KMT5B: variants seen among roughly 807,000 people sequenced by gnomAD.
KMT5B encodes the protein lysine methyltransferase 5B.
Under a neutral mutation model 83.2 loss-of-function variants are expected in KMT5B, and 10 were observed. The ratio of observed to expected loss-of-function variants is 0.12; its 90% CI spans 0.07 to 0.20. KMT5B has a LOEUF of 0.20. Ranked by LOEUF, KMT5B falls within the 10% of genes least tolerant of loss-of-function variation. The pLI, the probability that KMT5B is intolerant of heterozygous loss-of-function variation, is 1.00. For synonymous variants in KMT5B, 349 were observed against 388.8 expected, an observed-to-expected ratio of 0.90 and a Z score of 1.20; for missense variants, 753 against 1,067.2, an observed-to-expected ratio of 0.71 and a Z score of 4.10.
intron 1 of KMT5B, among the ~76,000 whole-genome samples, chr11:68,197,212 A>G (rs1180190745): frequency 6.6e-6 from 1 of 152,102 alleles, no homozygotes; most frequent in Non-Finnish European, 1.5e-5. Context: ...TGACCTCATG[A>G]TCTGCCTGTC....
At chr11:68,168,036 C>A (rs1415560550) in intron 9 of KMT5B, among the ~76,000 whole-genome samples, 1 of 151,992 alleles carries the variant, frequency 6.6e-6, no homozygotes, top group Non-Finnish European at 1.5e-5. Context: ...ATTAGCCCGG[C>A]GTGATGGCAG....
At chr11:68,194,495 G>C (rs1168974240) in intron 1 of KMT5B, among the ~76,000 whole-genome samples, 2 of 152,064 alleles carry the variant, frequency 1.3e-5, no homozygotes, top group East Asian at 3.8e-4. Context: ...GCCCGGCCAA[G>C]TGTTCAAAAA....
At chr11:68,159,545 T>C (rs1311775943) in intron 10 of KMT5B, among the ~76,000 whole-genome samples, 2 of 152,250 alleles carry the variant, frequency 1.3e-5, no homozygotes, top group Non-Finnish European at 2.9e-5. Context: ...CATGGTTTTT[T>C]CCTTTCACAG....
intron 1 of KMT5B, among the ~76,000 whole-genome samples, chr11:68,202,524 C>T (rs1859573256): frequency 6.7e-6 from 1 of 149,496 alleles, no homozygotes; most frequent in Middle Eastern, 3.3e-3. Flanking sequence ...TAACACCTGC[C>T]TTCCCTACTA....
intron 10 of KMT5B, among the ~76,000 whole-genome samples, chr11:68,163,713 T>C (rs1193837395): frequency 6.6e-6 from 1 of 152,218 alleles, no homozygotes; most frequent in Non-Finnish European, 1.5e-5. Context: ...GGAGTTTACT[T>C]GGCACAAGCA....
At chr11:68,164,267 C>T (rs1855116461) in intron 10 of KMT5B, among the ~76,000 whole-genome samples, 1 of 152,190 alleles carries the variant, frequency 6.6e-6, no homozygotes, top group African/African-American at 2.4e-5. Context: ...TTTTTTTATA[C>T]ATGTGTTCAA....
chr11:68,199,614 A>T, intron 1 of KMT5B, among the ~76,000 whole-genome samples: 1 of 152,210 alleles, frequency 6.6e-6, no homozygotes, highest in East Asian at 1.9e-4. Context: ...CCACAGTTTT[A>T]AAGGACCATG....
chr11:68,202,897 A>G (rs767907527), intron 1 of KMT5B, among the ~76,000 whole-genome samples: 2 of 152,042 alleles, frequency 1.3e-5, no homozygotes, highest in Non-Finnish European at 2.9e-5. Flanking sequence ...GGGTGTACAA[A>G]ATACCTGTTT....
intron 10 of KMT5B, chr11:68,166,378 T>C: frequency 9.8e-7 from 1 of 1,022,242 alleles, no homozygotes; most frequent in Non-Finnish European, 1.2e-6. Flanking sequence ...TGCTTCTTTC[T>C]CCTTTCCATC....
intron 3 of KMT5B, among the ~76,000 whole-genome samples, chr11:68,180,691 C>A (rs568824135): frequency 1.4e-4 from 22 of 152,318 alleles, no homozygotes; most frequent in Admixed American, 1.2e-3. Context: ...CAGCTCACTG[C>A]TGGCCTGAGT....
At chr11:68,207,746 G>A (rs1359421134) in intron 1 of KMT5B, among the ~76,000 whole-genome samples, 4 of 148,314 alleles carry the variant, frequency 2.7e-5, no homozygotes, top group African/African-American at 1.0e-4. Flanking sequence ...AACCAAGATC[G>A]TGCCACTGCA....
At chr11:68,211,101 G>A in intron 1 of KMT5B, among the ~76,000 whole-genome samples, 1 of 152,088 alleles carries the variant, frequency 6.6e-6, no homozygotes, top group Non-Finnish European at 1.5e-5. Context: ...TCAGGTAAAG[G>A]AAAATCAGAT....
intron 2 of KMT5B, among the ~76,000 whole-genome samples, chr11:68,188,088 A>C (rs575135654): frequency 6.7e-6 from 1 of 148,728 alleles, no homozygotes; most frequent in Non-Finnish European, 1.5e-5. Context: ...GCAGTGACGC[A>C]ATCTCGGCTC....
chr11:68,154,869 T>C lies in KMT5B; in HGVS notation c.*2819A>G, dbSNP rs1859188863. On this transcript the variant is annotated 3_prime_UTR_variant, in exon 11 of 11. Transcript: ENST00000304363. The stretch of plus-strand genomic sequence containing the variant: ...ACAGTGAACACCGGCCAAATTGTTT[T>C]AATTTCCGAATTTATTAAAATGATT... 6.6e-6 allele frequency: 1 copy of C among 152,196 alleles called. No individual in the cohort carries two copies. Among genetic ancestry groups the C allele is most frequent in the African/African-American group, 2.4e-5 (1 of 41,432 alleles). 9.4% of individuals were successfully genotyped at this position (152,196 alleles called of 1,614,324 possible).
intron 1 of KMT5B, among the ~76,000 whole-genome samples, chr11:68,191,792 C>T (rs1008993324): frequency 6.6e-6 from 1 of 152,112 alleles, no homozygotes; most frequent in African/African-American, 2.4e-5. Context: ...TTAGCGTAGC[C>T]TAAGTGTACG....
chr11:68,185,678 C>T (rs1857378132), intron 3 of KMT5B, 103 bp downstream of exon 3: 3 of 1,242,822 alleles, frequency 2.4e-6, no homozygotes, highest in Non-Finnish European at 3.3e-6. Flanking sequence ...AAGAACTTTC[C>T]TTTAATGTCA....
In KMT5B at chr11:68,165,717, T is replaced by C. The variant is rs1052262814; in HGVS notation, c.1174+1265A>G. ...CAAGGAACCAGACTCAGAAAACAAA[T>C]GGTCGTTATGCTGCATTTATTATGA... On this transcript the variant is annotated intron_variant, in intron 10 of 10. Transcript: ENST00000304363. 7 of 1,375,276 alleles carry C rather than the reference T, an allele frequency of 5.1e-6. No homozygotes were observed. In the African/African-American group the frequency reaches 8.9e-5, roughly 17 times the overall value. 85.2% of individuals were successfully genotyped at this position (1,375,276 alleles called of 1,614,324 possible).
chr11:68,211,471 T>A (rs541137253), intron 1 of KMT5B, among the ~76,000 whole-genome samples: 111 of 152,362 alleles, frequency 7.3e-4, no homozygotes, highest in African/African-American at 2.6e-3. Context: ...AATATAATTA[T>A]GTTTGTAAAC....
At chr11:68,207,531 G>A (rs1411781345) in intron 1 of KMT5B, among the ~76,000 whole-genome samples, 4 of 151,986 alleles carry the variant, frequency 2.6e-5, no homozygotes, top group Non-Finnish European at 5.9e-5. Flanking sequence ...GGTGGCTCAC[G>A]CCTGTAATCC....
Sources: gnomAD v4.1 joint callset for allele counts (sites outside exome capture counted in the v4.1 genomes callset) on GRCh38, gnomAD v4.1.1 for gene constraint, MANE v1.5 for transcripts, NCBI Gene and HGNC (gene_info 2026-07-23, HGNC 2026-07-21) for gene names.